The following SGCZ variants were observed in gnomAD, a reference collection of about 807,000 sequenced individuals.
The protein encoded by SGCZ is sarcoglycan zeta.
Under a neutral mutation model 41.3 loss-of-function variants are expected in SGCZ, and 40 were observed. The observed-to-expected ratio is 0.97, with a 90% CI of 0.75 to 1.26. SGCZ has a LOEUF of 1.26. SGCZ is among the 50% of genes most tolerant of loss of function. The pLI, the probability that SGCZ is intolerant of heterozygous loss-of-function variation, is 0.00. For missense variants in SGCZ, 552 were observed against 369.8 expected, an observed-to-expected ratio of 1.49 and a Z score of -4.04; for synonymous variants, 206 against 137.5, an observed-to-expected ratio of 1.50 and a Z score of -3.49.
intron 1 of SGCZ, among the ~76,000 whole-genome samples, chr8:15,194,601 G>A (rs1488052902): frequency 6.6e-6 from 1 of 152,122 alleles, no homozygotes. Context: ...ATGCAAGAAG[G>A]TCAGAGTCAG....
intron 1 of SGCZ, among the ~76,000 whole-genome samples, chr8:15,189,583 T>C (rs1208844387): frequency 6.6e-6 from 1 of 151,334 alleles, no homozygotes; most frequent in Non-Finnish European, 1.5e-5. Context: ...TTTTTTGAGA[T>C]AGAGTCTTGC....
chr8:14,253,368 G>A (rs1197940317), intron 3 of SGCZ, among the ~76,000 whole-genome samples: 2 of 151,632 alleles, frequency 1.3e-5, no homozygotes, highest in Admixed American at 6.6e-5. Context: ...ATTATTATAA[G>A]ATAAAAGCAT....
chr8:15,018,335 G>C (rs1453218657), intron 1 of SGCZ, among the ~76,000 whole-genome samples: 1 of 152,186 alleles, frequency 6.6e-6, no homozygotes, highest in Non-Finnish European at 1.5e-5. Flanking sequence ...TAAGCACTGA[G>C]TGAATGGATG....
rs765733635 is a variant in SGCZ at position 14,579,743 on chromosome 8, G to C, written c.40-24817C>G. Among the ~76,000 whole-genome samples the C allele has an allele frequency of 3.9e-5, 6 of 152,176 alleles. No individual in the cohort carries two copies. In the East Asian group the frequency reaches 7.7e-4, roughly 20 times the overall value. ...TTAGTTGAGGCTTAGGGAGTGGCTA[G>C]GGAGTGGCATATGATACCATAACAA... On this transcript the variant is annotated intron_variant, in intron 1 of 7. Transcript: ENST00000382080.
intron 5 of SGCZ, among the ~76,000 whole-genome samples, chr8:14,131,837 A>G (rs533063986): frequency 4.6e-5 from 7 of 152,288 alleles, no homozygotes; most frequent in Admixed American, 4.6e-4. Context: ...TACTGTGTGC[A>G]ACTGCCTACA....
At chr8:14,729,468 C>T (rs2130230158) in intron 1 of SGCZ, among the ~76,000 whole-genome samples, 1 of 152,186 alleles carries the variant, frequency 6.6e-6, no homozygotes, top group African/African-American at 2.4e-5. Context: ...AAGGTGAGGA[C>T]TTATTTCAAC....
chr8:14,757,675 T>C lies in SGCZ; in HGVS notation c.40-202749A>G, dbSNP rs1799723260. Among the ~76,000 whole-genome samples, 3 of 152,180 alleles carry C rather than the reference T, an allele frequency of 2.0e-5. No individual in the cohort carries two copies. The East Asian group carries it at 5.8e-4, about 29-fold the overall frequency. On this transcript the variant is annotated intron_variant, in intron 1 of 7. Coordinates refer to ENST00000382080, the MANE Select transcript of SGCZ (RefSeq NM_139167.4). Reference sequence around the variant, plus strand: ...ACAACTCTTTCGGTTTCACAGCAACTCTAGCCATCCTTATCACAAAGAATT... The same window carrying C: ...ACAACTCTTTCGGTTTCACAGCAACCCTAGCCATCCTTATCACAAAGAATT...
chr8:14,174,402 A>T (rs1804480759), intron 4 of SGCZ, among the ~76,000 whole-genome samples: 1 of 152,116 alleles, frequency 6.6e-6, no homozygotes, highest in African/African-American at 2.4e-5. Flanking sequence ...TGTGTTCAAC[A>T]ACTGTAGCTG....
chr8:15,022,076 G>A (rs1803272276), intron 1 of SGCZ, among the ~76,000 whole-genome samples: 1 of 152,162 alleles, frequency 6.6e-6, no homozygotes, highest in South Asian at 2.1e-4. Context: ...CAATCATAAT[G>A]AGACAGGCAC....
At chr8:14,274,049 T>C (rs756455004) in intron 3 of SGCZ, among the ~76,000 whole-genome samples, 4 of 151,788 alleles carry the variant, frequency 2.6e-5, no homozygotes, top group South Asian at 2.1e-4. Context: ...CAGGGTATTG[T>C]TTTTTTTCAA....
intron 1 of SGCZ, among the ~76,000 whole-genome samples, chr8:14,814,154 A>G (rs1469189368): frequency 6.6e-6 from 1 of 152,176 alleles, no homozygotes; most frequent in African/African-American, 2.4e-5. Context: ...GTTTGAAATA[A>G]TTAATAAGTT....
At chr8:14,760,436 T>C (rs1799830554) in intron 1 of SGCZ, among the ~76,000 whole-genome samples, 1 of 152,194 alleles carries the variant, frequency 6.6e-6, no homozygotes, top group African/African-American at 2.4e-5. Flanking sequence ...TACAGCCAGA[T>C]TGGGGGAAAA....
intron 1 of SGCZ, among the ~76,000 whole-genome samples, chr8:14,870,988 A>C (rs545615470): frequency 3.9e-5 from 6 of 152,210 alleles, no homozygotes; most frequent in Admixed American, 3.3e-4. Context: ...CAGGAGGATC[A>C]CCTGAAGTGA....
At chr8:14,899,437 C>T (rs577152663) in intron 1 of SGCZ, among the ~76,000 whole-genome samples, 1 of 152,218 alleles carries the variant, frequency 6.6e-6, no homozygotes, top group Admixed American at 6.5e-5. Context: ...TGTTAAATTA[C>T]AAAAATAGAA....
At chr8:14,449,664 C>T (rs770487650) in intron 2 of SGCZ, among the ~76,000 whole-genome samples, 3 of 152,084 alleles carry the variant, frequency 2.0e-5, no homozygotes, top group Non-Finnish European at 2.9e-5. Context: ...AGATAGACCC[C>T]GCTTGGCCTT....
intron 3 of SGCZ, among the ~76,000 whole-genome samples, chr8:14,257,030 C>A (rs911032462): frequency 1.3e-5 from 2 of 151,954 alleles, no homozygotes; most frequent in African/African-American, 4.8e-5. Context: ...CAATATTAAG[C>A]TAGATTGAAC....
rs149737415 is a variant in SGCZ, at chr8:15,170,220, T to C, written c.39+67365A>G. Among the ~76,000 whole-genome samples, 847 of 152,314 alleles carry C rather than the reference T, an allele frequency of 5.6e-3. 4 individuals are homozygous for C. The highest frequency in any genetic ancestry group is 0.019 in the African/African-American group (808 of 41,556). The stretch of plus-strand genomic sequence containing the variant: ...ACCTTGTCTGTGCCTGCCTGAGATC[T>C]AAAGTTTCCTGGCCACCTTGACTTT... On this transcript the variant is annotated intron_variant, in intron 1 of 7. Coordinates refer to ENST00000382080, the MANE Select transcript of SGCZ (RefSeq NM_139167.4).
chr8:14,903,438 T>C (rs990256295), intron 1 of SGCZ, among the ~76,000 whole-genome samples: 1 of 152,124 alleles, frequency 6.6e-6, no homozygotes, highest in African/African-American at 2.4e-5. Flanking sequence ...ATTCAAATCT[T>C]GAAATCCTGA....
chr8:14,424,562 T>G (rs981018113), intron 2 of SGCZ, among the ~76,000 whole-genome samples: 1 of 152,208 alleles, frequency 6.6e-6, no homozygotes. Context: ...ATGTACATTA[T>G]GTGTTTGGAA....
Sources: gnomAD v4.1 joint callset for allele counts (sites outside exome capture counted in the v4.1 genomes callset) on GRCh38, gnomAD v4.1.1 for gene constraint, MANE v1.5 for transcripts, NCBI Gene and HGNC (gene_info 2026-07-23, HGNC 2026-07-21) for gene names.